The following RALGAPA1 variants were observed in gnomAD, a reference collection of about 807,000 sequenced individuals.
RALGAPA1 encodes ral GTPase-activating protein subunit alpha-1.
In RALGAPA1, 52 loss-of-function variants were observed where a neutral mutation model predicts 269.6. The observed-to-expected ratio is 0.19, with a 90% CI of 0.15 to 0.24. The LOEUF (loss-of-function observed/expected upper bound fraction) is 0.24, where lower values mean the gene tolerates loss of function less well. Among genes scored for constraint, RALGAPA1 ranks in the 10% least tolerant of loss-of-function variants. The pLI is 1.00. For missense variants in RALGAPA1, 1,917 were observed against 3,013.9 expected, an observed-to-expected ratio of 0.64 and a Z score of 8.52; for synonymous variants, 817 against 1,008.3, an observed-to-expected ratio of 0.81 and a Z score of 3.60.
intron 12 of RALGAPA1, among the ~76,000 whole-genome samples, chr14:35,735,054 A>G (rs917208161): frequency 3.9e-5 from 6 of 152,110 alleles, no homozygotes; most frequent in Non-Finnish European, 8.8e-5. Flanking sequence ...AAAAAAATCA[A>G]AAAACACTAG....
chr14:35,674,369 C>T, intron 23 of RALGAPA1, 91 bp from the exon 24 acceptor site: 2 of 1,276,734 alleles, frequency 1.6e-6, no homozygotes, highest in Non-Finnish European at 2.2e-6. Flanking sequence ...AGTTTCTACA[C>T]TTACTATTTA....
At chr14:35,548,571 G>C (rs757395327) in intron 40 of RALGAPA1, 33 bp from the exon 41 acceptor site, 1 of 1,462,088 alleles carries the variant, frequency 6.8e-7, no homozygotes, top group Non-Finnish European at 9.4e-7. Context: ...ACAATCATAA[G>C]GAGAGCAAGA....
chr14:35,789,778 T>C (rs538508471), intron 1 of RALGAPA1, among the ~76,000 whole-genome samples: 41 of 152,038 alleles, frequency 2.7e-4, no homozygotes, highest in Non-Finnish European at 1.6e-4. Context: ...CACCAGAAAA[T>C]ATCAACATTA....
chr14:35,711,429 T>C (rs2068327463), intron 16 of RALGAPA1, among the ~76,000 whole-genome samples: 1 of 152,178 alleles, frequency 6.6e-6, no homozygotes, highest in South Asian at 2.1e-4. Flanking sequence ...GTTTGCAATA[T>C]ACATTAACAA....
intron 1 of RALGAPA1, among the ~76,000 whole-genome samples, chr14:35,779,027 G>T (rs1215525604): frequency 2.6e-5 from 4 of 152,066 alleles, no homozygotes; most frequent in Non-Finnish European, 4.4e-5. Context: ...GGTAACCCTA[G>T]ATCTATTCAG....
chr14:35,708,849 T>C (rs1409629220), intron 16 of RALGAPA1, among the ~76,000 whole-genome samples: 4 of 152,284 alleles, frequency 2.6e-5, no homozygotes, highest in South Asian at 2.1e-4. Context: ...GCAACCTAAG[T>C]GTCCATCAAC....
intron 37 of RALGAPA1, among the ~76,000 whole-genome samples, chr14:35,588,561 G>A (rs779226189): frequency 1.3e-5 from 2 of 152,112 alleles, no homozygotes; most frequent in Non-Finnish European, 2.9e-5. Flanking sequence ...ATAAAACCAT[G>A]ATGAGATATC....
At chr14:35,648,907 A>G (rs770067498) in intron 31 of RALGAPA1, among the ~76,000 whole-genome samples, 1 of 152,144 alleles carries the variant, frequency 6.6e-6, no homozygotes, top group African/African-American at 2.4e-5. Flanking sequence ...TACCTTTCCT[A>G]CTAGTCCTTT....
chr14:35,612,461 A>C (rs916348131), intron 35 of RALGAPA1, among the ~76,000 whole-genome samples: 6 of 151,760 alleles, frequency 4.0e-5, no homozygotes, highest in Non-Finnish European at 5.9e-5. Context: ...TAAGGGCGGA[A>C]ACTATAAAAC....
In RALGAPA1 at chr14:35,689,633, T is replaced by G; in HGVS notation, c.2778A>C (p.Glu926Asp). The change falls in exon 18 of 42, where the codon GAA becomes GAC. Residue 926 changes from glutamate to aspartate, a missense_variant. Glu to Asp is a conservative substitution (Grantham distance 45, BLOSUM62 2). This residue lies in a region of RALGAPA1 where 615 missense variants were observed against 790.0 expected (regional missense o/e 0.78). Transcript: ENST00000680220. Reference protein sequence around the residue: ...GPVELADSAFEQIQYIDLEGD... With the variant: ...GPVELADSAFDQIQYIDLEGD... ...CTTCAAGGTCAATGTACTGGATTTG[T>G]TCAAAAGCTGAATCTGCAAGTTCTA... is the stretch of plus-strand genomic sequence containing the variant. 1 of 1,268,394 alleles carries G rather than the reference T, an allele frequency of 7.9e-7. No homozygotes were observed. Among genetic ancestry groups the G allele is most frequent in the Non-Finnish European group, 9.9e-7 (1 of 1,010,284 alleles). The allele number at this position is 1,268,394 out of a possible 1,614,324, so 78.6% of individuals were successfully genotyped here.
chr14:35,770,653 GA>G (rs1271373706), intron 4 of RALGAPA1, among the ~76,000 whole-genome samples: 4 of 152,108 alleles, frequency 2.6e-5, no homozygotes, highest in Admixed American at 6.5e-5. Context: ...GATATCAGGA[GA>G]TATTTGTCTT....
intron 35 of RALGAPA1, among the ~76,000 whole-genome samples, chr14:35,607,180 T>G (rs1300680502): frequency 6.6e-6 from 1 of 152,232 alleles, no homozygotes; most frequent in Non-Finnish European, 1.5e-5. Context: ...GGAAACTCAC[T>G]AAATCTCAGT....
chr14:35,710,666 C>T (rs548785297), intron 16 of RALGAPA1, among the ~76,000 whole-genome samples: 1 of 152,236 alleles, frequency 6.6e-6, no homozygotes, highest in South Asian at 2.1e-4. Flanking sequence ...ACCAACAGAC[C>T]GCATGTATGA....
chr14:35,743,118 C>T (rs1177925630), intron 10 of RALGAPA1, among the ~76,000 whole-genome samples: 16 of 151,798 alleles, frequency 1.1e-4, no homozygotes, highest in Admixed American at 9.9e-4. Flanking sequence ...CCCACATAGA[C>T]ATGGGGAGAC....
chr14:35,728,272 AC>A (rs1595344825), intron 13 of RALGAPA1, 89 bp downstream of exon 13: 9 of 1,205,128 alleles, frequency 7.5e-6, no homozygotes, highest in Non-Finnish European at 9.8e-6. Flanking sequence ...CTGTAAACAA[AC>A]CCTCTTCACA....
chr14:35,557,517 T>C (rs543973575), intron 39 of RALGAPA1, among the ~76,000 whole-genome samples: 2 of 152,296 alleles, frequency 1.3e-5, no homozygotes, highest in African/African-American at 4.8e-5. Flanking sequence ...AAGCAGTACA[T>C]TGGCTTAAAC....
At chr14:35,695,163 T>C (rs2066800100) in intron 17 of RALGAPA1, among the ~76,000 whole-genome samples, 2 of 151,754 alleles carry the variant, frequency 1.3e-5, no homozygotes. Flanking sequence ...AGCCCAGGAG[T>C]TCCAGGCTGC....
chr14:35,761,042 A>G, intron 5 of RALGAPA1, 36 bp from the exon 6 acceptor site: 1 of 1,445,096 alleles, frequency 6.9e-7, no homozygotes, highest in Non-Finnish European at 9.4e-7. Flanking sequence ...ATTTTTATTT[A>G]TAATGGAAAT....
At chr14:35,571,393 A>G (rs1208543800) in intron 38 of RALGAPA1, among the ~76,000 whole-genome samples, 1 of 150,034 alleles carries the variant, frequency 6.7e-6, no homozygotes, top group South Asian at 2.1e-4. Context: ...TTTTTTTTTA[A>G]TTCTTTAAGG....
Sources: gnomAD v4.1 joint callset for allele counts (sites outside exome capture counted in the v4.1 genomes callset) on GRCh38, gnomAD v4.1.1 for gene constraint, gnomAD v4.1.1 regional missense constraint, MANE v1.5 for transcripts, NCBI Gene and HGNC (gene_info 2026-07-23, HGNC 2026-07-21) for gene names.